The following GTF3C4 variants were observed in gnomAD, a reference collection of about 807,000 sequenced individuals.
GTF3C4 encodes the protein general transcription factor 3C polypeptide 4.
In GTF3C4, 28 loss-of-function variants were observed where a neutral mutation model predicts 67.5. That is an observed-to-expected ratio of 0.41 (90% CI 0.31 to 0.57). The LOEUF is 0.57. GTF3C4 is among the 20% of genes least tolerant of loss of function. The pLI, the probability that GTF3C4 is intolerant of heterozygous loss-of-function variation, is 0.21. For missense variants in GTF3C4, 831 were observed against 1,033.2 expected, an observed-to-expected ratio of 0.80 and a Z score of 2.68; for synonymous variants, 409 against 393.0, an observed-to-expected ratio of 1.04 and a Z score of -0.48.
chr9:132,671,314 G>A (rs533073710), intron 1 of GTF3C4, among the ~76,000 whole-genome samples: 1 of 152,238 alleles, frequency 6.6e-6, no homozygotes, highest in South Asian at 2.1e-4. Flanking sequence ...GATCCAACCC[G>A]GGGCCTGCCT....
chr9:132,670,453 G>A (rs1464119826), upstream of GTF3C4: 2 of 945,336 alleles, frequency 2.1e-6, no homozygotes, highest in Admixed American at 3.8e-5. Flanking sequence ...CCTGGCAACG[G>A]CGGGGTCCTT....
intron 2 of GTF3C4, among the ~76,000 whole-genome samples, chr9:132,682,702 C>T (rs900677645): frequency 2.7e-5 from 4 of 149,322 alleles, no homozygotes; most frequent in African/African-American, 4.9e-5. Flanking sequence ...CTCACGGGCT[C>T]AGGCAGATCC....
chr9:132,675,693 A>G (rs1835853423), intron 1 of GTF3C4, among the ~76,000 whole-genome samples: 2 of 152,134 alleles, frequency 1.3e-5, no homozygotes, highest in Admixed American at 1.3e-4. Flanking sequence ...TAAATATAGT[A>G]TTTCCAAAGC....
chr9:132,679,074 C>T lies in GTF3C4; in HGVS notation c.1455C>T (p.Cys485=), dbSNP rs201142583. The part of the protein sequence containing the change: ...VRTHGIAVSP[C]GAYLAIITTE... ...CTCACGGGATAGCAGTGAGCCCCTGCGGTGCATACCTGGCCATCATCACCA... is the reference window on the plus strand; with the variant it reads ...CTCACGGGATAGCAGTGAGCCCCTGTGGTGCATACCTGGCCATCATCACCA... Residue 485 remains cysteine, a synonymous_variant, in exon 2 of 5, where the codon TGC becomes TGT. Transcript: ENST00000372146. This position sits in a 1 kb window ranked among gnomAD's most constrained non-coding sequence, Gnocchi z 5.9. 46 of 1,614,070 alleles carry T rather than the reference C, an allele frequency of 2.8e-5. No individual in the cohort carries two copies. Among genetic ancestry groups the T allele is most frequent in the South Asian group, 2.4e-4 (22 of 91,086 alleles).
Position 132,683,568 on chromosome 9 carries a change from G to T in GTF3C4, c.2190G>T (p.Leu730=), listed in dbSNP as rs1835980206. The T allele has an allele frequency of 1.9e-6, 3 of 1,611,692 alleles. No individual in the cohort carries two copies. Among genetic ancestry groups the T allele is most frequent in the Non-Finnish European group, 8.5e-7 (1 of 1,179,472 alleles). ...EEYDDRTARV[L]IGHISKKMNK... is the part of the protein sequence containing the mutation. Reference sequence around the variant, plus strand: ...TGACTACTTTGTCTTACTAGGTGCTGATTGGACATATCTCAAAGAAGATGA... The same window carrying T: ...TGACTACTTTGTCTTACTAGGTGCTTATTGGACATATCTCAAAGAAGATGA... The change falls in exon 3 of 5, where the codon CTG becomes CTT. Residue 730 remains leucine, a synonymous_variant. Transcript: ENST00000372146.
chr9:132,677,420 C>T (rs1835878873), intron 1 of GTF3C4, among the ~76,000 whole-genome samples: 1 of 152,034 alleles, frequency 6.6e-6, no homozygotes. Flanking sequence ...ATACATGTTA[C>T]GAACTTGGAG....
In GTF3C4 at chr9:132,683,603, C is replaced by CTT; in HGVS notation, c.2227_2228dup (p.Pro744SerfsTer33). 1.9e-6 allele frequency: 3 copies of CTT among 1,612,892 alleles called. No individual in the cohort carries two copies. The highest frequency in any genetic ancestry group is 2.5e-6 in the Non-Finnish European group (3 of 1,179,546). ...ATCTCAAAGAAGATGAACAAACAGA[C>CTT]TTTCCCTGAGCACTGTAGTTTGTGT... On this transcript the variant is annotated frameshift_variant, in exon 3 of 5. Transcript: ENST00000372146. LOFTEE classifies it high-confidence loss of function.
At chr9:132,681,785 T>C (rs938301971) in intron 2 of GTF3C4, among the ~76,000 whole-genome samples, 1 of 151,996 alleles carries the variant, frequency 6.6e-6, no homozygotes, top group Admixed American at 6.6e-5. Context: ...CTTGCCGAGA[T>C]CAGGGCTACT....
Position 132,693,641 on chromosome 9 carries a change from T to TA in GTF3C4, c.*4697dup, listed in dbSNP as rs1359742105. ...TTGCCTCACTGTCATGAAATCCTGTTACTTTCATTAAAAAAAAAAATCCTG... is the reference window on the plus strand; with the variant it reads ...TTGCCTCACTGTCATGAAATCCTGTTAACTTTCATTAAAAAAAAAAATCCTG... On this transcript the variant is annotated 3_prime_UTR_variant, in exon 5 of 5. Coordinates refer to ENST00000372146, the MANE Select transcript of GTF3C4 (RefSeq NM_012204.4). 3 of 123,570 alleles carry TA rather than the reference T, an allele frequency of 2.4e-5. No homozygotes were observed. The highest frequency in any genetic ancestry group is 1.0e-4 in the African/African-American group (3 of 28,654). The allele number at this position is 123,570 out of a possible 1,614,324, so 7.7% of individuals were successfully genotyped here. A position where few individuals can be genotyped will look rare whatever the true frequency, so the allele number is the denominator to read the frequency against.
At chr9:132,670,234 C>A (rs1835666878), upstream of GTF3C4, 1 of 1,529,734 alleles carries the variant, frequency 6.5e-7, no homozygotes, top group Admixed American at 2.0e-5. Flanking sequence ...CTCTGAGAAG[C>A]GAGATCCGGC....
Position 132,679,016 on chromosome 9 carries a change from TTAAACTCTCAGA to T in GTF3C4, c.1399_1410del (p.Lys467_Asp470del). Reference sequence around the variant, plus strand: ...GCATTGAAGTTTGAACACCAGTTGATTAAACTCTCAGATGTGTTTGGCTCAGTGAGGACTCAC... The same window carrying T: ...GCATTGAAGTTTGAACACCAGTTGATTGTGTTTGGCTCAGTGAGGACTCAC... On this transcript the variant is annotated inframe_deletion, in exon 2 of 5. Transcript: ENST00000372146. The surrounding 1 kb of genome is among the most constrained non-coding windows in gnomAD (Gnocchi z 5.9). 1 of 1,614,232 alleles carries T rather than the reference TTAAACTCTCAGA, an allele frequency of 6.2e-7. No homozygotes were observed. The highest frequency in any genetic ancestry group is 2.2e-5 in the East Asian group (1 of 44,884).
chr9:132,680,930 C>T lies in GTF3C4; in HGVS notation c.2184+1127C>T, dbSNP rs145230006. 4.9e-3 allele frequency among the ~76,000 whole-genome samples: 749 copies of T among 152,152 alleles called. 6 individuals carry two copies. Among genetic ancestry groups the T allele is most frequent in the African/African-American group, 0.017 (705 of 41,522 alleles). On this transcript the variant is annotated intron_variant, in intron 2 of 4. Coordinates refer to ENST00000372146, the MANE Select transcript of GTF3C4 (RefSeq NM_012204.4). The stretch of plus-strand genomic sequence containing the variant: ...CCAGGAGACTAGCTGGCCAACATGG[C>T]GAAACCCCGTCTCTACTAAAAATAA...
chr9:132,670,086 G>A (rs1379589701), upstream of GTF3C4: 6 of 1,561,142 alleles, frequency 3.8e-6, no homozygotes, highest in African/African-American at 4.1e-5. Flanking sequence ...GAGGGGAGCC[G>A]GGGACGGCGG....
upstream of GTF3C4, chr9:132,670,390 G>C: frequency 8.6e-7 from 1 of 1,164,242 alleles, no homozygotes; most frequent in Non-Finnish European, 1.1e-6. Context: ...CTCCCCGCTC[G>C]CTGTCCTTTT....
rs200999419 is a variant in GTF3C4, at chr9:132,670,871, C to T, written c.273C>T (p.Leu91=). ...CCCGCAGCATCGCTGTGCTGGAGCT[C>T]ATCTGCGACGTGCACAACCCGGGCC... ...STARSIAVLE[L]ICDVHNPGQD... The change falls in exon 1 of 5, where the codon CTC becomes CTT. Residue 91 remains leucine (L), a synonymous_variant. Transcript: ENST00000372146. 8.1e-6 allele frequency: 13 copies of T among 1,612,442 alleles called. No individual in the cohort carries two copies. In the East Asian group the frequency reaches 2.0e-4, roughly 25 times the overall value.
In GTF3C4 at chr9:132,681,966, T is replaced by TAA. The variant is rs56402111; in HGVS notation, c.2185-1574_2185-1573dup. ...GGTGAGACCCTGTCTCTACATAAAGTAAAAAAAAAAAAAAAAAAAAAAAAT... is the reference window on the plus strand; with the variant it reads ...GGTGAGACCCTGTCTCTACATAAAGTAAAAAAAAAAAAAAAAAAAAAAAAAAT... On this transcript the variant is annotated intron_variant, in intron 2 of 4. Coordinates refer to ENST00000372146, the MANE Select transcript of GTF3C4 (RefSeq NM_012204.4). 6.9e-3 allele frequency among the ~76,000 whole-genome samples: 787 copies of TAA among 114,678 alleles called. 8 individuals carry two copies. Among genetic ancestry groups the TAA allele is most frequent in the African/African-American group, 0.01 (293 of 28,664 alleles). 75.2% of individuals were successfully genotyped at this position (114,678 alleles called of 152,430 possible). A position where few individuals can be genotyped will look rare whatever the true frequency, so the allele number is the denominator to read the frequency against.
chr9:132,678,241 C>G lies in GTF3C4; in HGVS notation c.622C>G (p.Leu208Val). 1.2e-6 allele frequency: 2 copies of G among 1,614,208 alleles called. No homozygotes were observed. The highest frequency in any genetic ancestry group is 8.5e-7 in the Non-Finnish European group (1 of 1,180,028). The change falls in exon 2 of 5, where the codon CTG (leucine) becomes GTG (valine). Residue 208 changes from leucine (L) to valine (V), a missense_variant. Around this residue, in one of 4 missense-constraint regions of GTF3C4, gnomAD observed 390 missense variants for 540.3 expected, o/e 0.72. Coordinates refer to ENST00000372146, the MANE Select transcript of GTF3C4 (RefSeq NM_012204.4). The surrounding 1 kb of genome is among the most constrained non-coding windows in gnomAD (Gnocchi z 6.5). ...ACTGCAGTGGGTCCAGCTGGTTGAC[C>G]TGACTGAGATCTATGGAGAACGTCT... ...NRLQWVQLVDLTEIYGERLYE... is the reference protein window; with the variant it reads ...NRLQWVQLVDVTEIYGERLYE...
Position 132,678,060 on chromosome 9 carries a change from G to A in GTF3C4, c.441G>A (p.Leu147=). The stretch of plus-strand genomic sequence containing the variant: ...CCACGGTCAGTCAGACTTTCATGTT[G>A]GATAGGGTGTTCAACCCTGAGGGGA... The part of the protein sequence containing the change: ...KDPTVSQTFM[L]DRVFNPEGKA... Residue 147 remains leucine, a synonymous_variant, in exon 2 of 5, where the codon TTG becomes TTA. Coordinates refer to ENST00000372146, the MANE Select transcript of GTF3C4 (RefSeq NM_012204.4). The surrounding 1 kb of genome is among the most constrained non-coding windows in gnomAD (Gnocchi z 6.5). 1 of 1,614,126 alleles carries A rather than the reference G, an allele frequency of 6.2e-7. No individual in the cohort carries two copies. Among genetic ancestry groups the A allele is most frequent in the Non-Finnish European group, 8.5e-7 (1 of 1,179,938 alleles).
At position 132,694,475 on chromosome 9, in the gene GTF3C4, G is replaced by T. The variant is rs918226771; in HGVS notation, c.*5530G>T. 4 of 152,202 alleles carry T rather than the reference G, an allele frequency of 2.6e-5. No individual in the cohort carries two copies. The highest frequency in any genetic ancestry group is 5.9e-5 in the Non-Finnish European group (4 of 68,048). 9.4% of individuals were successfully genotyped at this position (152,202 alleles called of 1,614,324 possible). ...TGAACCAGATCATCCCACATCCTTA[G>T]CACTACTTAACCTTCTTTTCCTGAA... On this transcript the variant is annotated 3_prime_UTR_variant, in exon 5 of 5. Coordinates refer to ENST00000372146, the MANE Select transcript of GTF3C4 (RefSeq NM_012204.4).
Sources: allele counts gnomAD v4.1 joint callset (sites outside exome capture counted in the v4.1 genomes callset), GRCh38; gene constraint gnomAD v4.1.1; regional missense constraint gnomAD v4.1.1; non-coding constraint Gnocchi (gnomAD v3.1); transcripts MANE v1.5; gene names NCBI Gene and HGNC (gene_info 2026-07-23, HGNC 2026-07-21).